The following DGKA variants were observed in gnomAD, a reference collection of about 807,000 sequenced individuals.
DGKA encodes the protein diacylglycerol kinase alpha, also known as 80 kDa diacylglycerol kinase.
Under a neutral mutation model 105.0 loss-of-function variants are expected in DGKA, and 35 were observed. The ratio of observed to expected loss-of-function variants is 0.33; its 90% CI spans 0.25 to 0.44. The LOEUF (loss-of-function observed/expected upper bound fraction) is 0.44, where lower values mean the gene tolerates loss of function less well. DGKA is among the 20% of genes least tolerant of loss of function. The pLI, the probability that DGKA is intolerant of heterozygous loss-of-function variation, is 1.00. For synonymous variants in DGKA, 296 were observed against 332.0 expected, an observed-to-expected ratio of 0.89 and a Z score of 1.18; for missense variants, 665 against 915.0, an observed-to-expected ratio of 0.73 and a Z score of 3.53.
At chr12:55,944,295 A>G (rs1056770596) in intron 17 of DGKA, among the ~76,000 whole-genome samples, 30 of 152,150 alleles carry the variant, frequency 2.0e-4, no homozygotes, top group African/African-American at 7.2e-4. Context: ...GTGAGATCTC[A>G]TCTCTAAAAA....
intron 3 of DGKA, 77 bp from the exon 4 acceptor site, chr12:55,937,331 G>C: frequency 6.5e-7 from 1 of 1,529,626 alleles, no homozygotes; most frequent in Non-Finnish European, 8.9e-7. Flanking sequence ...TATTATCCCT[G>C]TCCCCGCTAC....
At chr12:55,933,922 G>C (rs1249941893) in intron 1 of DGKA, among the ~76,000 whole-genome samples, 2 of 152,162 alleles carry the variant, frequency 1.3e-5, no homozygotes, top group East Asian at 3.8e-4. Flanking sequence ...CATGCTGTTT[G>C]CTAAGTACAT....
chr12:55,942,729 A>G, intron 17 of DGKA: 1 of 208,302 alleles, frequency 4.8e-6, no homozygotes, highest in East Asian at 1.1e-4. Flanking sequence ...CCCATTTCTA[A>G]TCTCTTATGC....
intron 23 of DGKA, 59 bp from the exon 24 acceptor site, chr12:55,953,626 T>C: frequency 6.4e-7 from 1 of 1,562,380 alleles, no homozygotes; most frequent in Non-Finnish European, 8.8e-7. Context: ...TCTAAATCTC[T>C]GAAGCCACAG....
At chr12:55,941,631 G>A (rs746334502) in intron 15 of DGKA, 47 bp downstream of exon 15, 1 of 1,579,940 alleles carries the variant, frequency 6.3e-7, no homozygotes, top group South Asian at 1.1e-5. Flanking sequence ...GTGGGTCTGT[G>A]TATCTGTATA....
chr12:55,941,420 T>C, intron 14 of DGKA, 90 bp from the exon 15 acceptor site: 1 of 1,580,240 alleles, frequency 6.3e-7, no homozygotes, highest in Non-Finnish European at 8.7e-7. Context: ...TGGAGGGGCA[T>C]ACCTTGAGGA....
chr12:55,945,325 A>T (rs1453634384), intron 17 of DGKA, among the ~76,000 whole-genome samples: 1 of 152,182 alleles, frequency 6.6e-6, no homozygotes, highest in Non-Finnish European at 1.5e-5. Flanking sequence ...GAAAGAGGTA[A>T]GAGAAGGTGA....
At chr12:55,928,032 T>A, upstream of DGKA, 1 of 515,180 alleles carries the variant, frequency 1.9e-6, no homozygotes, top group Non-Finnish European at 3.4e-6. Flanking sequence ...TCCCGTAGTG[T>A]CACTCCATTT....
chr12:55,953,466 A>T, intron 23 of DGKA, 56 bp downstream of exon 23: 1 of 1,566,674 alleles, frequency 6.4e-7, no homozygotes, highest in South Asian at 1.1e-5. Flanking sequence ...TGGATCCTAA[A>T]TCCCCATTCC....
In DGKA at chr12:55,952,586, C is replaced by T. The variant is rs1888379416; in HGVS notation, c.1744-148C>T. 2.5e-6 allele frequency: 3 copies of T among 1,177,418 alleles called. No individual in the cohort carries two copies. Among genetic ancestry groups the T allele is most frequent in the African/African-American group, 1.5e-5 (1 of 66,134 alleles). 72.9% of individuals were successfully genotyped at this position (1,177,418 alleles called of 1,614,324 possible). ...CCCAATTCTCCAAGTCCTCAAGATA[C>T]ACTAGTCCCTATTTCCATTCCTTGC... On this transcript the variant is annotated intron_variant, in intron 20 of 23. Transcript: ENST00000331886. The surrounding 1 kb of genome is among the most constrained non-coding windows in gnomAD (Gnocchi z 5.1).
chr12:55,940,068 TC>T lies in DGKA; in HGVS notation c.710-12del. 1 of 1,613,550 alleles carries T rather than the reference TC, an allele frequency of 6.2e-7. No homozygotes were observed. Among genetic ancestry groups the T allele is most frequent in the Non-Finnish European group, 8.5e-7 (1 of 1,179,422 alleles). On this transcript the variant is annotated splice_polypyrimidine_tract_variant and intron_variant, in intron 9 of 23. Transcript: ENST00000331886. The surrounding 1 kb of genome is among the most constrained non-coding windows in gnomAD (Gnocchi z 4.3). Reference sequence around the variant, plus strand: ...GGCTCAGCTAAGCCTCCCAACTTCTTCCTTCTCCCTCAGTCTGTAAGTACAC... The same window carrying T: ...GGCTCAGCTAAGCCTCCCAACTTCTTCTTCTCCCTCAGTCTGTAAGTACAC...
intron 17 of DGKA, among the ~76,000 whole-genome samples, chr12:55,949,423 T>C (rs1887702043): frequency 6.6e-6 from 1 of 152,328 alleles, no homozygotes; most frequent in Middle Eastern, 3.4e-3. Flanking sequence ...GATCTCGAAC[T>C]CCTGACCTTA....
At chr12:55,936,617 T>A in intron 2 of DGKA, 50 bp downstream of exon 2, 1 of 1,612,328 alleles carries the variant, frequency 6.2e-7, no homozygotes, top group Non-Finnish European at 8.5e-7. Context: ...CCCCAGAGAA[T>A]CCCTCCTCCT....
chr12:55,936,717 G>T, intron 2 of DGKA, 150 bp downstream of exon 2: 1 of 1,110,166 alleles, frequency 9.0e-7, no homozygotes, highest in South Asian at 1.3e-5. Context: ...GGGAGGAGTG[G>T]GAGATGGGGA....
chr12:55,953,715 A>G lies in DGKA; in HGVS notation c.2155A>G (p.Met719Val). Residue 719 changes from methionine (M) to valine (V), a missense_variant, in exon 24 of 24, where the codon ATG becomes GTG. Coordinates refer to ENST00000331886, the MANE Select transcript of DGKA (RefSeq NM_001345.5). The stretch of plus-strand genomic sequence containing the variant: ...GATCACCCACAAGAACCAGATGCCC[A>G]TGCTCATGGGCCCACCCCCCCGCTC... ...IKITHKNQMP[M>V]LMGPPPRSTN... is the part of the protein sequence containing the mutation. 1.2e-6 allele frequency: 2 copies of G among 1,614,076 alleles called. No homozygotes were observed. Among genetic ancestry groups the G allele is most frequent in the South Asian group, 1.1e-5 (1 of 91,076 alleles).
upstream of DGKA, chr12:55,927,851 T>A (rs965054383): frequency 6.7e-7 from 1 of 1,487,372 alleles, no homozygotes; most frequent in Admixed American, 2.1e-5. Flanking sequence ...GGCGAAGTGA[T>A]GAGGGCCCTA....
Position 55,942,184 on chromosome 12 carries a change from C to G in DGKA, c.1347C>G (p.Asn449Lys). The part of the protein sequence containing the change: ...GWILETIDKA[N>K]LPVLPPVAVL... ...CACCTGCCTCCGCAGACAAAGCTAA[C>G]TTGCCAGTTTTGCCTCCTGTTGCTG... Residue 449 changes from asparagine (N) to lysine (K), a missense_variant, in exon 17 of 24, where the codon AAC becomes AAG. Transcript: ENST00000331886. 1 of 1,614,218 alleles carries G rather than the reference C, an allele frequency of 6.2e-7. No homozygotes were observed. The highest frequency in any genetic ancestry group is 8.5e-7 in the Non-Finnish European group (1 of 1,180,036).
At position 55,940,972 on chromosome 12, in the gene DGKA, G is replaced by C; in HGVS notation, c.1093G>C (p.Ala365Pro). Residue 365 changes from alanine to proline, a missense_variant, in exon 13 of 24, where the codon GCT (alanine) becomes CCT (proline). Ala to Pro is a conservative substitution (Grantham distance 27). Transcript: ENST00000331886. This position sits in a 1 kb window ranked among gnomAD's most constrained non-coding sequence, Gnocchi z 4.3. ...MDDLNLSTSE[A>P]LRIDPVPNTH... The stretch of plus-strand genomic sequence containing the variant: ...TGATTTAAATTTGAGCACCTCTGAG[G>C]CTCTGCGGGTACAGGGCTGAGAGTC... The C allele has an allele frequency of 6.2e-7, 1 of 1,613,922 alleles. No individual in the cohort carries two copies. The highest frequency in any genetic ancestry group is 8.5e-7 in the Non-Finnish European group (1 of 1,179,930).
intron 1 of DGKA, chr12:55,935,767 C>A: frequency 1.8e-6 from 1 of 569,982 alleles, no homozygotes; most frequent in Non-Finnish European, 2.2e-6. Context: ...CCTAGTGGAG[C>A]TCCGCGGAAC....
Sources: gnomAD v4.1 joint callset for allele counts (sites outside exome capture counted in the v4.1 genomes callset) on GRCh38, gnomAD v4.1.1 for gene constraint, Gnocchi (gnomAD v3.1) non-coding constraint, MANE v1.5 for transcripts, NCBI Gene and HGNC (gene_info 2026-07-23, HGNC 2026-07-21) for gene names.